Variants in RBFOX1 observed in about 807,000 individuals in gnomAD.
RBFOX1 encodes the protein RNA binding protein fox-1 homolog 1.
In RBFOX1, 8 loss-of-function variants were observed where a neutral mutation model predicts 57.7. The ratio of observed to expected loss-of-function variants is 0.14; its 90% CI spans 0.08 to 0.25. The LOEUF is 0.25. RBFOX1 is among the 10% of genes least tolerant of loss of function. RBFOX1 has a pLI of 1.00. For missense variants in RBFOX1, 611 were observed against 548.5 expected, an observed-to-expected ratio of 1.11 and a Z score of -1.14; for synonymous variants, 326 against 222.4, an observed-to-expected ratio of 1.47 and a Z score of -4.15.
At chr16:6,901,583 A>G (rs746536391) in intron 3 of RBFOX1, among the ~76,000 whole-genome samples, 5 of 152,188 alleles carry the variant, frequency 3.3e-5, no homozygotes, top group African/African-American at 4.8e-5. Context: ...CTCCTCAATT[A>G]TGCTGTGAGA....
chr16:5,728,661 C>T (rs2052245001), intron 3 of RBFOX1, among the ~76,000 whole-genome samples: 1 of 152,192 alleles, frequency 6.6e-6, no homozygotes, highest in Non-Finnish European at 1.5e-5. Context: ...CTCCGTAGGT[C>T]ACTCTGAGAA....
intron 2 of RBFOX1, among the ~76,000 whole-genome samples, chr16:6,463,087 A>G (rs2094957590): frequency 1.3e-5 from 2 of 149,624 alleles, no homozygotes; most frequent in East Asian, 1.9e-4. Flanking sequence ...TTAAGGAGCT[A>G]TCCTTCCCCT....
chr16:6,514,836 G>A (rs568001902), intron 2 of RBFOX1, among the ~76,000 whole-genome samples: 33 of 152,008 alleles, frequency 2.2e-4, no homozygotes, highest in African/African-American at 7.0e-4. Flanking sequence ...GCCCTCCCTT[G>A]TAGTCATGGA....
intron 1 of RBFOX1, among the ~76,000 whole-genome samples, chr16:6,058,240 T>C (rs185384368): frequency 1.3e-5 from 2 of 152,230 alleles, no homozygotes; most frequent in East Asian, 3.9e-4. Context: ...TTGGTTTTCA[T>C]TAATCCCTGC....
In RBFOX1 at chr16:7,282,680, C is replaced by G. The variant is rs563496929; in HGVS notation, c.27+230582C>G. ...TTGTGAGATTTGGGTGCACCCATCA[C>G]CTGAGCAGTATACACTGCACCCAGT... On this transcript the variant is annotated intron_variant, in intron 4 of 15. Coordinates refer to ENST00000550418, the MANE Select transcript of RBFOX1 (RefSeq NM_018723.4). Among the ~76,000 whole-genome samples, 3 of 152,222 alleles carry G rather than the reference C, an allele frequency of 2.0e-5. No homozygotes were observed. The South Asian group carries it at 6.2e-4, about 32-fold the overall frequency.
intron 4 of RBFOX1, among the ~76,000 whole-genome samples, chr16:7,370,533 C>T (rs2097547315): frequency 6.6e-6 from 1 of 152,182 alleles, no homozygotes; most frequent in Non-Finnish European, 1.5e-5. Context: ...GCTCCCTCCC[C>T]ACTCTTTTTA....
intron 2 of RBFOX1, among the ~76,000 whole-genome samples, chr16:6,404,645 G>A (rs544819572): frequency 3.3e-5 from 5 of 152,180 alleles, no homozygotes; most frequent in South Asian, 2.1e-4. Context: ...TTTCATGGAC[G>A]CATCATCCCT....
chr16:5,463,975 C>A (rs1450101637), intron 1 of RBFOX1, among the ~76,000 whole-genome samples: 2 of 152,150 alleles, frequency 1.3e-5, no homozygotes, highest in African/African-American at 4.8e-5. Context: ...CTCTCACTGC[C>A]ATAACCAGGC....
chr16:5,418,387 G>A (rs970498517), intron 1 of RBFOX1, among the ~76,000 whole-genome samples: 1 of 152,086 alleles, frequency 6.6e-6, no homozygotes, highest in South Asian at 2.1e-4. Flanking sequence ...GAAATACGGA[G>A]GACCGGGGTG....
At chr16:7,589,586 G>A (rs1448009661) in intron 7 of RBFOX1, among the ~76,000 whole-genome samples, 1 of 151,928 alleles carries the variant, frequency 6.6e-6, no homozygotes, top group African/African-American at 2.4e-5. Context: ...TGTCTTGCAG[G>A]TGTTGGAGCT....
At chr16:7,235,561 T>A (rs1444562298) in intron 4 of RBFOX1, among the ~76,000 whole-genome samples, 1 of 152,182 alleles carries the variant, frequency 6.6e-6, no homozygotes, top group Admixed American at 6.5e-5. Flanking sequence ...TGGATGTATG[T>A]TGTGATGGAA....
intron 2 of RBFOX1, among the ~76,000 whole-genome samples, chr16:6,608,678 A>G (rs969854924): frequency 2.0e-5 from 3 of 152,198 alleles, no homozygotes; most frequent in Non-Finnish European, 4.4e-5. Context: ...AGGGTGAGGT[A>G]GAAGGATGAC....
At chr16:6,566,878 A>C (rs1254303612) in intron 2 of RBFOX1, among the ~76,000 whole-genome samples, 1 of 152,198 alleles carries the variant, frequency 6.6e-6, no homozygotes, top group Non-Finnish European at 1.5e-5. Flanking sequence ...GGACTTTGAA[A>C]TATTTTCCCC....
At chr16:7,372,974 C>T (rs2147433801) in intron 4 of RBFOX1, among the ~76,000 whole-genome samples, 1 of 151,464 alleles carries the variant, frequency 6.6e-6, no homozygotes, top group African/African-American at 2.4e-5. Flanking sequence ...CTCTGTTGCC[C>T]AGGCTGGAGT....
At chr16:7,136,135 T>G (rs535042285) in intron 4 of RBFOX1, among the ~76,000 whole-genome samples, 1 of 152,312 alleles carries the variant, frequency 6.6e-6, no homozygotes, top group South Asian at 2.1e-4. Context: ...GAAATGGTTT[T>G]CCACAGTAAA....
chr16:7,173,537 C>T (rs1219660079), intron 4 of RBFOX1, among the ~76,000 whole-genome samples: 1 of 151,924 alleles, frequency 6.6e-6, no homozygotes. Flanking sequence ...TCCTTGCTTA[C>T]TTCATTGTAT....
rs959734062 is a variant in RBFOX1 at position 7,709,760 on chromosome 16, G to A, written c.1071+629G>A. On this transcript the variant is annotated intron_variant, in intron 15 of 15. Transcript: ENST00000550418. ...GGTTTTTGTTTTGGGAGGGGGTGGG[G>A]GGAGGGTAAAAAATGGGAGGTAAGG... 8 of 139,140 alleles carry A rather than the reference G, an allele frequency of 5.7e-5. 1 individual carries two copies. The highest frequency in any genetic ancestry group is 2.4e-4 in the African/African-American group (7 of 29,636). The allele number at this position is 139,140 out of a possible 1,614,324, so 8.6% of individuals were successfully genotyped here. A position where few individuals can be genotyped will look rare whatever the true frequency, so the allele number is the denominator to read the frequency against.
intron 3 of RBFOX1, among the ~76,000 whole-genome samples, chr16:6,968,659 G>A (rs563125670): frequency 6.6e-6 from 1 of 152,012 alleles, no homozygotes; most frequent in Non-Finnish European, 1.5e-5. Context: ...CACAGGACTC[G>A]AGGAAGCCCA....
chr16:6,736,211 A>G (rs2070249919), intron 3 of RBFOX1, among the ~76,000 whole-genome samples: 1 of 152,112 alleles, frequency 6.6e-6, no homozygotes, highest in Non-Finnish European at 1.5e-5. Context: ...TTATTGGGGT[A>G]CAGTTGGTAT....
Sources: allele counts gnomAD v4.1 joint callset (sites outside exome capture counted in the v4.1 genomes callset), GRCh38; gene constraint gnomAD v4.1.1; transcripts MANE v1.5; gene names NCBI Gene and HGNC (gene_info 2026-07-23, HGNC 2026-07-21).